The following ZMAT4 variants were observed in gnomAD, a reference collection of about 807,000 sequenced individuals.
The protein encoded by ZMAT4 is zinc finger matrin-type protein 4.
ZMAT4 carries 17 observed loss-of-function variants against 28.7 expected under a neutral mutation model. The observed-to-expected ratio is 0.59, with a 90% confidence interval of 0.41 to 0.89. The LOEUF is 0.89. Ranked by LOEUF, ZMAT4 falls within the 40% of genes least tolerant of loss-of-function variation. ZMAT4 has a pLI of 0.00. For synonymous variants in ZMAT4, 117 were observed against 109.2 expected (o/e 1.07, Z -0.44); for missense variants, 240 against 283.8 (o/e 0.85, Z 1.11).
intron 2 of ZMAT4, among the ~76,000 whole-genome samples, chr8:40,799,186 G>A (rs1015458525): frequency 2.0e-5 from 3 of 147,732 alleles, no homozygotes; most frequent in Non-Finnish European, 4.5e-5. Context: ...GAGAGAGAGA[G>A]ACAGAGAGAA....
At chr8:40,595,511 C>T (rs1805060711) in intron 5 of ZMAT4, among the ~76,000 whole-genome samples, 1 of 152,054 alleles carries the variant, frequency 6.6e-6, no homozygotes, top group South Asian at 2.1e-4. Flanking sequence ...TATAGCTTAC[C>T]TACACACTTA....
chr8:40,674,932 C>T lies in ZMAT4; in HGVS notation c.350-1G>A. ...GGCTTAAGTGGGCTCAGGGGTGTTG[C>T]TGTGAAAGGAAACAACCAGAGAACC... On this transcript the variant is annotated splice_acceptor_variant, in intron 4 of 6. Transcript: ENST00000297737. LOFTEE classifies it high-confidence loss of function. 6.2e-7 allele frequency: 1 copy of T among 1,610,970 alleles called. No homozygotes were observed.
intron 3 of ZMAT4, among the ~76,000 whole-genome samples, chr8:40,726,531 A>G (rs1034099749): frequency 2.0e-5 from 3 of 152,230 alleles, no homozygotes; most frequent in Admixed American, 6.5e-5. Flanking sequence ...GGAGCCAGGT[A>G]AGTAATCTCA....
chr8:40,815,007 G>T (rs2150599855), intron 2 of ZMAT4, among the ~76,000 whole-genome samples: 1 of 152,340 alleles, frequency 6.6e-6, no homozygotes, highest in Middle Eastern at 3.4e-3. Flanking sequence ...AGGCTTGGCA[G>T]CTCATGCCTG....
intron 5 of ZMAT4, among the ~76,000 whole-genome samples, chr8:40,645,489 G>A (rs1171699770): frequency 6.6e-6 from 1 of 152,116 alleles, no homozygotes; most frequent in African/African-American, 2.4e-5. Flanking sequence ...CCATTGCAGT[G>A]ATGGTCTTTA....
At chr8:40,885,794 C>G (rs989583882) in intron 1 of ZMAT4, among the ~76,000 whole-genome samples, 1 of 152,232 alleles carries the variant, frequency 6.6e-6, no homozygotes, top group African/African-American at 2.4e-5. Flanking sequence ...CAAATACCCA[C>G]GGGGACCATC....
At chr8:40,811,843 A>C (rs1815330872) in intron 2 of ZMAT4, among the ~76,000 whole-genome samples, 1 of 152,168 alleles carries the variant, frequency 6.6e-6, no homozygotes. Flanking sequence ...TTAAAAATAC[A>C]TGCCGGACCA....
intron 5 of ZMAT4, among the ~76,000 whole-genome samples, chr8:40,615,242 T>C (rs7843382): frequency 0.14 from 20,649 of 152,056 alleles, 1,906 homozygotes; most frequent in African/African-American, 0.27. Flanking sequence ...TTAAGAATGT[T>C]GAATATTGGC....
intron 6 of ZMAT4, among the ~76,000 whole-genome samples, chr8:40,566,516 C>T (rs1803931350): frequency 6.6e-6 from 1 of 152,104 alleles, no homozygotes; most frequent in Admixed American, 6.6e-5. Flanking sequence ...CTGATCTCTC[C>T]TTTCCATGGG....
At chr8:40,562,370 G>T (rs1803775454) in intron 6 of ZMAT4, among the ~76,000 whole-genome samples, 1 of 152,142 alleles carries the variant, frequency 6.6e-6, no homozygotes, top group African/African-American at 2.4e-5. Flanking sequence ...CTAGGGATCA[G>T]CAGGGGCCAG....
At chr8:40,868,640 G>A (rs905477827) in intron 1 of ZMAT4, among the ~76,000 whole-genome samples, 8 of 152,186 alleles carry the variant, frequency 5.3e-5, no homozygotes, top group Non-Finnish European at 4.4e-5. Flanking sequence ...AGGGTCCAAG[G>A]TCACCTGACC....
chr8:40,744,842 T>G (rs551492261), intron 3 of ZMAT4, among the ~76,000 whole-genome samples: 48 of 152,342 alleles, frequency 3.2e-4, no homozygotes, highest in African/African-American at 1.1e-3. Flanking sequence ...CAAGCTCTAG[T>G]TCGGCAGCCC....
intron 2 of ZMAT4, among the ~76,000 whole-genome samples, chr8:40,816,284 A>G (rs1354290288): frequency 1.3e-5 from 2 of 152,170 alleles, no homozygotes; most frequent in Admixed American, 1.3e-4. Flanking sequence ...TTGGATTTTG[A>G]TACTCAGGGC....
At chr8:40,811,650 ACCCATC>A (rs1049223404) in intron 2 of ZMAT4, among the ~76,000 whole-genome samples, 15 of 152,258 alleles carry the variant, frequency 9.9e-5, no homozygotes, top group Admixed American at 5.9e-4. Context: ...CAAACTAACT[ACCCATC>A]CCTGAAGGAA....
At chr8:40,700,406 CTTTTCTTTTTTTTTTTTT>C (rs1810088593) in intron 3 of ZMAT4, among the ~76,000 whole-genome samples, 2 of 60,768 alleles carry the variant, frequency 3.3e-5, no homozygotes, top group Non-Finnish European at 6.2e-5. Context: ...GAAGCTGCTG[CTTTTCTTTTTTTTTTTTT>C]TTTTTTTTTT....
At chr8:40,796,605 A>G (rs1814609629) in intron 2 of ZMAT4, among the ~76,000 whole-genome samples, 2 of 152,178 alleles carry the variant, frequency 1.3e-5, no homozygotes, top group Admixed American at 1.3e-4. Flanking sequence ...GCAGACCTAC[A>G]GTTCTCCCTT....
At chr8:40,552,555 G>T (rs1030724766) in intron 6 of ZMAT4, among the ~76,000 whole-genome samples, 1 of 152,136 alleles carries the variant, frequency 6.6e-6, no homozygotes, top group Non-Finnish European at 1.5e-5. Flanking sequence ...ACTTGTGCCA[G>T]GCATTGTGTT....
At chr8:40,697,185 G>T in intron 4 of ZMAT4, 60 bp downstream of exon 4, 2 of 1,482,470 alleles carry the variant, frequency 1.3e-6, no homozygotes. Flanking sequence ...AGCATGATCT[G>T]CAAGACAGGC....
intron 6 of ZMAT4, among the ~76,000 whole-genome samples, chr8:40,553,031 C>G (rs1234234728): frequency 1.3e-5 from 2 of 152,134 alleles, no homozygotes; most frequent in South Asian, 4.1e-4. Flanking sequence ...AAATTGTAAC[C>G]TCAGGCATAA....
Sources: allele counts gnomAD v4.1 joint callset (sites outside exome capture counted in the v4.1 genomes callset), GRCh38; gene constraint gnomAD v4.1.1; transcripts MANE v1.5; gene names NCBI Gene and HGNC (gene_info 2026-07-23, HGNC 2026-07-21).